Variants in BCAT1 observed in about 807,000 individuals in gnomAD.
BCAT1 encodes branched-chain-amino-acid aminotransferase, cytosolic.
A neutral mutation model predicts 52.4 loss-of-function variants in BCAT1; 48 were observed. That is an observed-to-expected ratio of 0.92 (90% CI 0.73 to 1.16). The LOEUF (loss-of-function observed/expected upper bound fraction) is 1.16. Among genes scored for constraint, BCAT1 ranks in the 50% most tolerant of loss-of-function variants. The pLI is 0.00. For synonymous variants in BCAT1, 167 were observed against 161.3 expected (o/e 1.04, Z -0.27); for missense variants, 451 against 457.1 (o/e 0.99, Z 0.12).
At chr12:24,840,327 G>A (rs1273188236) in intron 7 of BCAT1, among the ~76,000 whole-genome samples, 1 of 152,080 alleles carries the variant, frequency 6.6e-6, no homozygotes, top group African/African-American at 2.4e-5. Flanking sequence ...GTGGTTTTTT[G>A]GTGGAGTTTG....
In BCAT1 at chr12:24,887,061, T is replaced by TAAAAATA. The variant is rs1207898454; in HGVS notation, c.280-5651_280-5650insTATTTTT. 9.2e-4 allele frequency among the ~76,000 whole-genome samples: 7 copies of TAAAAATA among 7,590 alleles called. 1 individual carries two copies. The highest frequency in any genetic ancestry group is 2.5e-3 in the African/African-American group (4 of 1,574). 5.0% of individuals were successfully genotyped at this position (7,590 alleles called of 152,430 possible). On this transcript the variant is annotated intron_variant, in intron 3 of 10. Coordinates refer to ENST00000261192, the MANE Select transcript of BCAT1 (RefSeq NM_005504.7). ...CTGGAAGAACGAGAGAGATGCTAGC[T>TAAAAATA]AAAAAAAAAAAAAAAAAAAATATAT...
chr12:24,852,416 C>CATTT (rs200826311), intron 5 of BCAT1, among the ~76,000 whole-genome samples: 30,848 of 152,062 alleles, frequency 0.2, 3,155 homozygotes, highest in Middle Eastern at 0.21. Flanking sequence ...TGTGGACAAA[C>CATTT]TAATAGCATT....
At chr12:24,912,275 G>A (rs1052661176) in intron 1 of BCAT1, among the ~76,000 whole-genome samples, 2 of 152,170 alleles carry the variant, frequency 1.3e-5, no homozygotes, top group Non-Finnish European at 2.9e-5. Flanking sequence ...AGCACTTTGG[G>A]AGGCCGAGGC....
At chr12:24,847,436 A>C (rs74800303) in intron 6 of BCAT1, among the ~76,000 whole-genome samples, 3,923 of 152,330 alleles carry the variant, frequency 0.026, 146 homozygotes, top group African/African-American at 0.09. Context: ...GGGTTTGGAC[A>C]AATCTATAAC....
chr12:24,949,051 C>T lies in BCAT1; in HGVS notation c.-119G>A, dbSNP rs1021989688. 5 of 1,059,350 alleles carry T rather than the reference C, an allele frequency of 4.7e-6. No homozygotes were observed. The highest frequency in any genetic ancestry group is 3.2e-5 in the African/African-American group (2 of 62,550). 65.6% of individuals were successfully genotyped at this position (1,059,350 alleles called of 1,614,324 possible). A position where few individuals can be genotyped will look rare whatever the true frequency, so the allele number is the denominator to read the frequency against. On this transcript the variant is annotated 5_prime_UTR_variant, in exon 1 of 11. Coordinates refer to ENST00000261192, the MANE Select transcript of BCAT1 (RefSeq NM_005504.7). ...GAGCGCGGTCCCGGCTGCAGCAAGA[C>T]CTGGGGCAGTGCCCGAGGCGGCGGC...
chr12:24,921,552 G>T (rs1279756635), intron 1 of BCAT1, among the ~76,000 whole-genome samples: 1 of 152,168 alleles, frequency 6.6e-6, no homozygotes, highest in Non-Finnish European at 1.5e-5. Context: ...TCCCAGTAAT[G>T]TAAGCCCAAT....
At chr12:24,893,340 T>C (rs1942888832) in intron 3 of BCAT1, among the ~76,000 whole-genome samples, 1 of 152,198 alleles carries the variant, frequency 6.6e-6, no homozygotes, top group Non-Finnish European at 1.5e-5. Flanking sequence ...CACTGTAAGA[T>C]AGATATTATA....
intron 6 of BCAT1, among the ~76,000 whole-genome samples, chr12:24,845,410 A>G (rs1370960859): frequency 6.6e-6 from 1 of 152,228 alleles, no homozygotes; most frequent in African/African-American, 2.4e-5. Context: ...TTGTTTAATG[A>G]CCATAAAAAG....
chr12:24,858,424 C>T (rs964292222), intron 5 of BCAT1, among the ~76,000 whole-genome samples: 3 of 152,152 alleles, frequency 2.0e-5, no homozygotes, highest in Non-Finnish European at 4.4e-5. Flanking sequence ...AAAATTTAGA[C>T]ATCTGGTCTA....
chr12:24,905,644 A>G (rs1351783554), intron 1 of BCAT1, among the ~76,000 whole-genome samples: 1 of 152,204 alleles, frequency 6.6e-6, no homozygotes, highest in Non-Finnish European at 1.5e-5. Context: ...AAGAAGTGCT[A>G]TTAGTCAGCA....
upstream of BCAT1, chr12:24,949,191 T>C (rs1943985358): frequency 5.6e-6 from 3 of 534,018 alleles, no homozygotes; most frequent in East Asian, 9.5e-5. Flanking sequence ...CGCCCCCAGA[T>C]GGTGGAGTCT....
At chr12:24,908,470 C>T (rs1036159279) in intron 1 of BCAT1, among the ~76,000 whole-genome samples, 5 of 152,206 alleles carry the variant, frequency 3.3e-5, no homozygotes, top group Non-Finnish European at 7.3e-5. Context: ...GGCATGGTGG[C>T]TCACACCTGT....
rs527318472 is a variant in BCAT1, at chr12:24,897,601, G to A, written c.79-3126C>T. ...TGGAGTCTCACTCTGTCACCCAGGC[G>A]GAAGAGCAGTGATGTGATCTGGGCT... is the stretch of plus-strand genomic sequence containing the variant. On this transcript the variant is annotated intron_variant, in intron 2 of 10. Transcript: ENST00000261192. Among the ~76,000 whole-genome samples the A allele has an allele frequency of 2.0e-4, 30 of 152,164 alleles. 1 individual carries two copies. In the South Asian group the frequency reaches 2.1e-3, roughly 11 times the overall value.
chr12:24,889,213 G>A (rs550084281), intron 3 of BCAT1, among the ~76,000 whole-genome samples: 2 of 152,092 alleles, frequency 1.3e-5, no homozygotes, highest in Non-Finnish European at 2.9e-5. Flanking sequence ...TAAACTCCTC[G>A]TGTGAGTCCT....
chr12:24,831,722 G>A (rs1315699278), intron 9 of BCAT1, among the ~76,000 whole-genome samples: 1 of 152,212 alleles, frequency 6.6e-6, no homozygotes, highest in African/African-American at 2.4e-5. Context: ...TAATCCCTGT[G>A]TTGTTCAAGG....
At chr12:24,900,797 G>C (rs556808419) in intron 2 of BCAT1, among the ~76,000 whole-genome samples, 1 of 152,248 alleles carries the variant, frequency 6.6e-6, no homozygotes, top group South Asian at 2.1e-4. Flanking sequence ...TGGGCGTGAT[G>C]GCACATGCCT....
At chr12:24,912,863 A>G (rs1342771657) in intron 1 of BCAT1, among the ~76,000 whole-genome samples, 3 of 152,220 alleles carry the variant, frequency 2.0e-5, no homozygotes, top group Non-Finnish European at 4.4e-5. Context: ...CACTTTCTTC[A>G]GAAGGTTGCT....
intron 3 of BCAT1, among the ~76,000 whole-genome samples, chr12:24,891,217 A>C (rs1942828969): frequency 6.6e-6 from 1 of 152,206 alleles, no homozygotes; most frequent in Non-Finnish European, 1.5e-5. Context: ...CATCCTGAGG[A>C]GACCACATGG....
intron 10 of BCAT1, among the ~76,000 whole-genome samples, chr12:24,821,721 C>T (rs184155197): frequency 1.2e-4 from 18 of 152,190 alleles, no homozygotes; most frequent in African/African-American, 4.1e-4. Flanking sequence ...AGAGAGTGAA[C>T]GATTCAAACA....
Sources: gnomAD v4.1 joint callset for allele counts (sites outside exome capture counted in the v4.1 genomes callset) on GRCh38, gnomAD v4.1.1 for gene constraint, MANE v1.5 for transcripts, NCBI Gene and HGNC (gene_info 2026-07-23, HGNC 2026-07-21) for gene names.